Variants in MAN1A1 observed in about 807,000 individuals in gnomAD.
The protein encoded by MAN1A1 is mannosyl-oligosaccharide 1,2-alpha-mannosidase IA.
In MAN1A1, 29 loss-of-function variants were observed where a neutral mutation model predicts 70.8. That is an observed-to-expected ratio of 0.41 (90% CI 0.31 to 0.56). The LOEUF is 0.56. MAN1A1 is among the 20% of genes least tolerant of loss of function. The pLI is 0.29. For missense variants in MAN1A1, 747 were observed against 841.3 expected (o/e 0.89, Z 1.39); for synonymous variants, 349 against 330.1 (o/e 1.06, Z -0.62).
intron 6 of MAN1A1, among the ~76,000 whole-genome samples, chr6:119,237,805 C>A (rs1774895093): frequency 6.6e-6 from 1 of 152,082 alleles, no homozygotes; most frequent in Non-Finnish European, 1.5e-5. Context: ...AAAATCCATG[C>A]TTAAACAAGG....
At chr6:119,264,159 A>G (rs1346982609) in intron 5 of MAN1A1, among the ~76,000 whole-genome samples, 1 of 152,250 alleles carries the variant, frequency 6.6e-6, no homozygotes, top group Non-Finnish European at 1.5e-5. Context: ...TTATGGAGAA[A>G]CTAAGAAATG....
At chr6:119,277,869 G>A (rs577286365) in intron 5 of MAN1A1, among the ~76,000 whole-genome samples, 3 of 144,498 alleles carry the variant, frequency 2.1e-5, no homozygotes, top group Non-Finnish European at 3.0e-5. Context: ...CCTGGGAGGC[G>A]GAGCTTGCAG....
At chr6:119,202,408 T>C (rs1773737849) in intron 7 of MAN1A1, among the ~76,000 whole-genome samples, 1 of 152,076 alleles carries the variant, frequency 6.6e-6, no homozygotes, top group Non-Finnish European at 1.5e-5. Context: ...AGCTGTCAAC[T>C]CCTGTGATGA....
chr6:119,343,712 C>T (rs902323943), intron 2 of MAN1A1, among the ~76,000 whole-genome samples: 2 of 152,120 alleles, frequency 1.3e-5, no homozygotes, highest in Admixed American at 6.6e-5. Flanking sequence ...GTCTACTTGG[C>T]GGGGAGGTTG....
chr6:119,179,918 G>A lies in MAN1A1; in HGVS notation c.1863C>T (p.Asp621=), dbSNP rs200751717. ...TCCAATGCTCCAGTGGAAGAAGATC[G>A]TCGTCAGAAAATATTAGGTACAAAT... The part of the protein sequence containing the change: ...LKYLYLIFSD[D]DLLPLEHWIF... The change falls in exon 13 of 13, where the codon GAC becomes GAT. Residue 621 remains aspartate (D), a synonymous_variant. Transcript: ENST00000368468. 70 of 1,613,584 alleles carry A rather than the reference G, an allele frequency of 4.3e-5. No homozygotes were observed. The highest frequency in any genetic ancestry group is 1.7e-4 in the Middle Eastern group (1 of 6,054).
intron 2 of MAN1A1, among the ~76,000 whole-genome samples, chr6:119,346,741 G>A (rs141263982): frequency 4.6e-5 from 7 of 152,288 alleles, no homozygotes; most frequent in Admixed American, 4.6e-4. Flanking sequence ...TGTATCTTTC[G>A]TATTAAAATC....
intron 5 of MAN1A1, among the ~76,000 whole-genome samples, chr6:119,275,496 C>T (rs1212758957): frequency 6.8e-6 from 1 of 147,936 alleles, no homozygotes; most frequent in African/African-American, 2.5e-5. Context: ...TTAGTAGAGA[C>T]GGGGTTTCAC....
At chr6:119,270,145 C>G (rs556320402) in intron 5 of MAN1A1, among the ~76,000 whole-genome samples, 1 of 152,242 alleles carries the variant, frequency 6.6e-6, no homozygotes, top group Non-Finnish European at 1.5e-5. Context: ...TCAGACTAAT[C>G]TTGTACATTT....
chr6:119,287,059 A>G (rs988875450), intron 5 of MAN1A1, among the ~76,000 whole-genome samples: 1 of 152,064 alleles, frequency 6.6e-6, no homozygotes, highest in Admixed American at 6.6e-5. Context: ...CTTCTAGCAT[A>G]TCCTTTTTCA....
intron 6 of MAN1A1, among the ~76,000 whole-genome samples, chr6:119,218,310 T>C (rs1481172169): frequency 6.6e-6 from 1 of 152,160 alleles, no homozygotes; most frequent in Non-Finnish European, 1.5e-5. Flanking sequence ...AGATTATGTT[T>C]AAAAGACCCT....
rs575541928 is a variant in MAN1A1, at chr6:119,188,713, C to G, written c.1547-136G>C. The G allele has an allele frequency of 1.3e-4, 95 of 732,664 alleles. No homozygotes were observed. In the African/African-American group the frequency reaches 1.6e-3, roughly 12 times the overall value. The allele number at this position is 732,664 out of a possible 1,614,324, so 45.4% of individuals were successfully genotyped here. ...TGGTTCCAGGACCCTCCGAGGATAA[C>G]AAAATCCATGGATCCTTGAGTCCCT... On this transcript the variant is annotated intron_variant, in intron 10 of 12. Transcript: ENST00000368468.
At chr6:119,248,098 A>C (rs1775217529) in intron 6 of MAN1A1, among the ~76,000 whole-genome samples, 162 bp downstream of exon 6, 1 of 152,210 alleles carries the variant, frequency 6.6e-6, no homozygotes, top group Non-Finnish European at 1.5e-5. Flanking sequence ...TGGAACACTG[A>C]AAAGCTAATA....
At chr6:119,257,145 T>C (rs17080912) in intron 5 of MAN1A1, among the ~76,000 whole-genome samples, 17,433 of 152,160 alleles carry the variant, frequency 0.11, 1,236 homozygotes, top group African/African-American at 0.2. Flanking sequence ...TGTTTGTGTA[T>C]GTGCTCTGGA....
intron 5 of MAN1A1, among the ~76,000 whole-genome samples, chr6:119,261,341 T>C (rs1295551090): frequency 6.6e-6 from 1 of 152,158 alleles, no homozygotes; most frequent in Non-Finnish European, 1.5e-5. Flanking sequence ...CTTTCTAAAT[T>C]ACAAACTTTC....
intron 2 of MAN1A1, among the ~76,000 whole-genome samples, chr6:119,332,194 G>T (rs1773336037): frequency 6.6e-6 from 1 of 152,096 alleles, no homozygotes; most frequent in South Asian, 2.1e-4. Context: ...AATTAAAACT[G>T]CAGATAAAGG....
At chr6:119,204,362 T>TG (rs1297751918) in intron 7 of MAN1A1, among the ~76,000 whole-genome samples, 9 of 152,360 alleles carry the variant, frequency 5.9e-5, no homozygotes, top group African/African-American at 2.2e-4. Context: ...TCCAAATATT[T>TG]GGTTTGCTTT....
intron 7 of MAN1A1, among the ~76,000 whole-genome samples, chr6:119,201,878 C>G (rs1379369923): frequency 1.3e-5 from 2 of 151,998 alleles, no homozygotes; most frequent in Non-Finnish European, 2.9e-5. Flanking sequence ...CATTTTATAA[C>G]CCTATACATA....
At chr6:119,241,620 A>G (rs1471393046) in intron 6 of MAN1A1, among the ~76,000 whole-genome samples, 1 of 152,224 alleles carries the variant, frequency 6.6e-6, no homozygotes, top group Non-Finnish European at 1.5e-5. Flanking sequence ...GTTCTATTAA[A>G]GCTGGGTATT....
At chr6:119,329,741 C>T (rs1448420175) in intron 2 of MAN1A1, among the ~76,000 whole-genome samples, 2 of 152,168 alleles carry the variant, frequency 1.3e-5, no homozygotes, top group Admixed American at 1.3e-4. Context: ...TGTCATCCTG[C>T]AGCTACCACC....
Sources: gnomAD v4.1 joint callset for allele counts (sites outside exome capture counted in the v4.1 genomes callset) on GRCh38, gnomAD v4.1.1 for gene constraint, MANE v1.5 for transcripts, NCBI Gene and HGNC (gene_info 2026-07-23, HGNC 2026-07-21) for gene names.